The following PRKCE variants were observed in gnomAD, a reference collection of about 807,000 sequenced individuals.
PRKCE encodes the protein protein kinase C epsilon type.
PRKCE carries 16 observed loss-of-function variants against 85.4 expected under a neutral mutation model. The observed-to-expected ratio is 0.19, with a 90% CI of 0.13 to 0.28. PRKCE has a LOEUF of 0.28. Ranked by LOEUF, PRKCE falls within the 10% of genes least tolerant of loss-of-function variation. The pLI, the probability that PRKCE is intolerant of heterozygous loss-of-function variation, is 1.00. For missense variants in PRKCE, 573 were observed against 975.2 expected (o/e 0.59, Z 5.49); for synonymous variants, 388 against 371.5 (o/e 1.04, Z -0.51).
chr2:46,001,922 A>G lies in PRKCE; in HGVS notation c.966+376A>G, dbSNP rs960599028. 2.0e-5 allele frequency among the ~76,000 whole-genome samples: 3 copies of G among 152,226 alleles called. No individual in the cohort carries two copies. The highest frequency in any genetic ancestry group is 7.2e-5 in the African/African-American group (3 of 41,466). Reference sequence around the variant, plus strand: ...GTGTCTGAACTTCACCCTTGGTATCATTATAATGGAGATAAATGGGTGAAG... The same window carrying G: ...GTGTCTGAACTTCACCCTTGGTATCGTTATAATGGAGATAAATGGGTGAAG... On this transcript the variant is annotated intron_variant, in intron 7 of 14. Coordinates refer to ENST00000306156, the MANE Select transcript of PRKCE (RefSeq NM_005400.3). This position sits in a 1 kb window ranked among gnomAD's most constrained non-coding sequence, Gnocchi z 4.4.
intron 10 of PRKCE, among the ~76,000 whole-genome samples, chr2:46,023,418 C>T (rs1574261458): frequency 6.6e-6 from 1 of 152,236 alleles, no homozygotes. Flanking sequence ...GACTGACAGC[C>T]ACCCCTTTTC....
At chr2:46,020,370 T>G (rs942025261) in intron 10 of PRKCE, among the ~76,000 whole-genome samples, 3 of 152,110 alleles carry the variant, frequency 2.0e-5, no homozygotes, top group African/African-American at 7.2e-5. Flanking sequence ...GAAAACAGTT[T>G]AAAACCACTA....
At chr2:45,817,370 A>C (rs1436132785) in intron 1 of PRKCE, among the ~76,000 whole-genome samples, 1 of 152,138 alleles carries the variant, frequency 6.6e-6, no homozygotes, top group East Asian at 1.9e-4. Context: ...TTCAAAGTTA[A>C]GTCTTATCAT....
intron 1 of PRKCE, among the ~76,000 whole-genome samples, chr2:45,705,890 G>A (rs1038658337): frequency 1.3e-5 from 2 of 152,200 alleles, no homozygotes; most frequent in Non-Finnish European, 2.9e-5. Context: ...GGGACCTGGG[G>A]TCTTTCTGAA....
At chr2:46,026,400 C>T (rs766650100) in intron 10 of PRKCE, among the ~76,000 whole-genome samples, 2 of 152,082 alleles carry the variant, frequency 1.3e-5, no homozygotes, top group Non-Finnish European at 2.9e-5. Context: ...CAGAAAGAAG[C>T]GTAGAAGACT....
chr2:45,763,743 G>A (rs1684699049), intron 1 of PRKCE, among the ~76,000 whole-genome samples: 1 of 152,116 alleles, frequency 6.6e-6, no homozygotes. Context: ...AAGGGATCAT[G>A]TAGTTTAACC....
chr2:45,850,525 G>A (rs536882203), intron 2 of PRKCE, among the ~76,000 whole-genome samples: 27 of 152,152 alleles, frequency 1.8e-4, no homozygotes, highest in Non-Finnish European at 3.7e-4. Context: ...AAAAGAAAGG[G>A]TATTTCCATT....
intron 5 of PRKCE, among the ~76,000 whole-genome samples, chr2:45,981,506 A>C (rs750578109): frequency 1.3e-5 from 2 of 152,182 alleles, no homozygotes; most frequent in African/African-American, 2.4e-5. Flanking sequence ...GGAAAGCAAC[A>C]AAGGACAAGG....
At chr2:45,795,367 G>T (rs191336933) in intron 1 of PRKCE, among the ~76,000 whole-genome samples, 7 of 152,164 alleles carry the variant, frequency 4.6e-5, no homozygotes, top group African/African-American at 1.7e-4. Flanking sequence ...GGAGTGCAGT[G>T]GCGTGATCTC....
intron 2 of PRKCE, among the ~76,000 whole-genome samples, chr2:45,938,005 C>T (rs781127844): frequency 1.8e-4 from 27 of 152,186 alleles, no homozygotes; most frequent in Non-Finnish European, 3.4e-4. Flanking sequence ...TGAGAGTAGC[C>T]TTTACGTTAC....
At chr2:45,855,823 A>G (rs1483231505) in intron 2 of PRKCE, among the ~76,000 whole-genome samples, 2 of 152,132 alleles carry the variant, frequency 1.3e-5, no homozygotes, top group Non-Finnish European at 2.9e-5. Context: ...TGGGTGATGT[A>G]TTGCCATAAA....
At chr2:45,720,803 T>TC (rs1476705841) in intron 1 of PRKCE, among the ~76,000 whole-genome samples, 7 of 152,124 alleles carry the variant, frequency 4.6e-5, no homozygotes, top group African/African-American at 1.7e-4. Flanking sequence ...TTACTACTTT[T>TC]AGTTCTCAGA....
chr2:45,896,658 T>C (rs1421870265), intron 2 of PRKCE, among the ~76,000 whole-genome samples: 10 of 152,238 alleles, frequency 6.6e-5, no homozygotes, highest in Non-Finnish European at 1.5e-4. Context: ...TGTATACTTT[T>C]ATTGGAGTAG....
At chr2:46,055,294 C>T (rs1476214924) in intron 10 of PRKCE, among the ~76,000 whole-genome samples, 1 of 152,230 alleles carries the variant, frequency 6.6e-6, no homozygotes, top group Non-Finnish European at 1.5e-5. Context: ...CTCGCCCTGG[C>T]TCCTGCACCT....
chr2:45,991,322 C>T (rs1281703351), intron 6 of PRKCE, among the ~76,000 whole-genome samples: 1 of 152,152 alleles, frequency 6.6e-6, no homozygotes, highest in Non-Finnish European at 1.5e-5. Flanking sequence ...ATGTTAATTT[C>T]TGTCTCTCCC....
At chr2:45,856,698 T>TC (rs1257257480) in intron 2 of PRKCE, among the ~76,000 whole-genome samples, 1 of 152,112 alleles carries the variant, frequency 6.6e-6, no homozygotes, top group Non-Finnish European at 1.5e-5. Flanking sequence ...CTTCCCTCCA[T>TC]CCCCCCTGAC....
At chr2:45,949,306 A>G (rs6722120) in intron 2 of PRKCE, among the ~76,000 whole-genome samples, 6,340 of 151,094 alleles carry the variant, frequency 0.042, 191 homozygotes, top group East Asian at 0.16. Context: ...AATAAATACG[A>G]TGTGGCATCC....
In PRKCE at chr2:46,012,331, T is replaced by C. The variant is rs534360787; in HGVS notation, c.1437+1814T>C. Among the ~76,000 whole-genome samples the C allele has an allele frequency of 3.9e-5, 6 of 152,210 alleles. No homozygotes were observed. In the South Asian group the frequency reaches 1.2e-3, roughly 32 times the overall value. Reference sequence around the variant, plus strand: ...TTTTTTTTTTTCTTTTCTTTCCTTTTGGTACCAGTGAGAAAATTGGGTTTC... The same window carrying C: ...TTTTTTTTTTTCTTTTCTTTCCTTTCGGTACCAGTGAGAAAATTGGGTTTC... On this transcript the variant is annotated intron_variant, in intron 10 of 14. Coordinates refer to ENST00000306156, the MANE Select transcript of PRKCE (RefSeq NM_005400.3).
chr2:45,890,783 A>G (rs1024107418), intron 2 of PRKCE, among the ~76,000 whole-genome samples: 3 of 152,210 alleles, frequency 2.0e-5, no homozygotes, highest in Admixed American at 6.5e-5. Context: ...CTACAAGTAT[A>G]TGGAGTGCCT....
Sources: gnomAD v4.1 joint callset for allele counts (sites outside exome capture counted in the v4.1 genomes callset) on GRCh38, gnomAD v4.1.1 for gene constraint, Gnocchi (gnomAD v3.1) non-coding constraint, MANE v1.5 for transcripts, NCBI Gene and HGNC (gene_info 2026-07-23, HGNC 2026-07-21) for gene names.